Variants in ASIC2 observed in about 807,000 individuals in gnomAD.
The protein encoded by ASIC2 is acid sensing ion channel subunit 2.
In ASIC2, 25 loss-of-function variants were observed where a neutral mutation model predicts 57.3. The ratio of observed to expected loss-of-function variants is 0.44; its 90% CI spans 0.32 to 0.61. The LOEUF is 0.61. ASIC2 is among the 20% of genes least tolerant of loss of function. The pLI is 0.06. For synonymous variants in ASIC2, 319 were observed against 307.5 expected (o/e 1.04, Z -0.39); for missense variants, 641 against 738.1 (o/e 0.87, Z 1.52).
intron 1 of ASIC2, among the ~76,000 whole-genome samples, chr17:33,916,572 G>A (rs1172362526): frequency 6.6e-6 from 1 of 152,186 alleles, no homozygotes; most frequent in East Asian, 1.9e-4. Flanking sequence ...AAGAATTCTA[G>A]CTGATGCAGA....
At chr17:33,917,359 T>C (rs1915606073) in intron 1 of ASIC2, among the ~76,000 whole-genome samples, 3 of 152,226 alleles carry the variant, frequency 2.0e-5, no homozygotes, top group Admixed American at 6.5e-5. Context: ...GCTTCTCCTC[T>C]TGACTTTCAC....
At chr17:33,487,157 A>G (rs530729442) in intron 1 of ASIC2, among the ~76,000 whole-genome samples, 3 of 152,136 alleles carry the variant, frequency 2.0e-5, no homozygotes, top group African/African-American at 7.2e-5. Flanking sequence ...TTTTTCTGGG[A>G]CCAAGAAGAA....
At chr17:33,789,540 G>T (rs1911705405) in intron 1 of ASIC2, among the ~76,000 whole-genome samples, 1 of 151,390 alleles carries the variant, frequency 6.6e-6, no homozygotes, top group African/African-American at 2.4e-5. Context: ...TCCCTAACTT[G>T]TATGGGCTCC....
At chr17:33,605,121 T>G (rs192932549) in intron 1 of ASIC2, among the ~76,000 whole-genome samples, 1 of 152,334 alleles carries the variant, frequency 6.6e-6, no homozygotes, top group East Asian at 1.9e-4. Flanking sequence ...TTTAGCTGCA[T>G]GTTCTCATAA....
intron 1 of ASIC2, among the ~76,000 whole-genome samples, chr17:33,420,167 G>T (rs1026214235): frequency 1.3e-5 from 2 of 152,196 alleles, no homozygotes; most frequent in Non-Finnish European, 2.9e-5. Context: ...TCTGCTAGCT[G>T]CTGAGCTTCT....
At chr17:33,093,546 C>T (rs554820686) in intron 2 of ASIC2, among the ~76,000 whole-genome samples, 12 of 152,102 alleles carry the variant, frequency 7.9e-5, no homozygotes, top group South Asian at 2.1e-4. Flanking sequence ...ACGCAGACAG[C>T]GTAACATGAA....
chr17:33,379,339 G>T (rs946645507), intron 1 of ASIC2, among the ~76,000 whole-genome samples: 1 of 152,170 alleles, frequency 6.6e-6, no homozygotes, highest in Non-Finnish European at 1.5e-5. Context: ...GATAAACTCA[G>T]CAAGGAAAGC....
At chr17:33,871,903 T>C (rs1248117264) in intron 1 of ASIC2, among the ~76,000 whole-genome samples, 1 of 152,068 alleles carries the variant, frequency 6.6e-6, no homozygotes, top group Non-Finnish European at 1.5e-5. Context: ...GGTTTTGGGC[T>C]GAGTCACACT....
intron 6 of ASIC2, among the ~76,000 whole-genome samples, chr17:33,022,894 C>T (rs1437071535): frequency 6.6e-6 from 1 of 152,192 alleles, no homozygotes; most frequent in Non-Finnish European, 1.5e-5. Flanking sequence ...GAGAGCACCT[C>T]ATCTAGATGC....
intron 1 of ASIC2, among the ~76,000 whole-genome samples, chr17:33,159,978 G>A (rs571951424): frequency 6.6e-6 from 1 of 152,280 alleles, no homozygotes; most frequent in South Asian, 2.1e-4. Flanking sequence ...GGAGACTAAG[G>A]TGGGAGGATC....
chr17:33,395,070 A>T (rs576653814), intron 1 of ASIC2, among the ~76,000 whole-genome samples: 1 of 148,154 alleles, frequency 6.7e-6, no homozygotes, highest in Non-Finnish European at 1.5e-5. Context: ...CCATCCACTC[A>T]TCCATCATTT....
intron 1 of ASIC2, among the ~76,000 whole-genome samples, chr17:33,853,361 G>A (rs1913826629): frequency 6.6e-6 from 1 of 152,174 alleles, no homozygotes; most frequent in Admixed American, 6.5e-5. Context: ...TGACTTTGGA[G>A]GGAACATCAA....
chr17:33,187,712 A>C (rs1906251191), intron 1 of ASIC2, among the ~76,000 whole-genome samples: 1 of 152,148 alleles, frequency 6.6e-6, no homozygotes, highest in Non-Finnish European at 1.5e-5. Context: ...CTTCATTTAC[A>C]AAAACAGAAG....
At chr17:33,993,324 T>C (rs1430677935) in intron 1 of ASIC2, among the ~76,000 whole-genome samples, 2 of 152,180 alleles carry the variant, frequency 1.3e-5, no homozygotes, top group Non-Finnish European at 2.9e-5. Flanking sequence ...TTTAGTTAGG[T>C]AGCCATTTAA....
At chr17:33,454,964 A>G (rs1912397635) in intron 1 of ASIC2, among the ~76,000 whole-genome samples, 1 of 152,230 alleles carries the variant, frequency 6.6e-6, no homozygotes, top group South Asian at 2.1e-4. Context: ...CTAATTGGGT[A>G]TTGAATTCCA....
chr17:34,067,042 C>T (rs1005053578), intron 1 of ASIC2, among the ~76,000 whole-genome samples: 5 of 152,232 alleles, frequency 3.3e-5, no homozygotes, highest in Non-Finnish European at 7.3e-5. Flanking sequence ...GCCATGTCCT[C>T]TTCTCCTGGG....
chr17:33,948,467 C>T (rs1904455591), intron 1 of ASIC2, among the ~76,000 whole-genome samples: 1 of 152,194 alleles, frequency 6.6e-6, no homozygotes, highest in Admixed American at 6.5e-5. Context: ...TTAAGGTCAC[C>T]TAATCCTCCA....
rs137994997 is a variant in ASIC2, at chr17:34,147,244, G to A, written c.555+8734C>T. On this transcript the variant is annotated intron_variant, in intron 1 of 9. Transcript: ENST00000359872. ...TTCCACCCCTTCATTTTACAGATAA[G>A]CAAACTGAGGCCCATTGAGGCTTAT... is the stretch of plus-strand genomic sequence containing the variant. Among the ~76,000 whole-genome samples, 118 of 152,248 alleles carry A rather than the reference G, an allele frequency of 7.8e-4. 1 individual carries two copies. Among genetic ancestry groups the A allele is most frequent in the African/African-American group, 2.6e-3 (110 of 41,556 alleles).
intron 1 of ASIC2, among the ~76,000 whole-genome samples, chr17:33,883,184 T>A (rs1308011722): frequency 1.3e-5 from 2 of 152,146 alleles, no homozygotes. Flanking sequence ...AGATGGCACA[T>A]GTATACATAT....
Sources: allele counts gnomAD v4.1 joint callset (sites outside exome capture counted in the v4.1 genomes callset), GRCh38; gene constraint gnomAD v4.1.1; transcripts MANE v1.5; gene names NCBI Gene and HGNC (gene_info 2026-07-23, HGNC 2026-07-21).